Variants in CPSF6 observed in about 807,000 individuals in gnomAD.
CPSF6 encodes the protein cleavage and polyadenylation specific factor 6, also known as cleavage and polyadenylation specificity factor subunit 6.
CPSF6 carries 10 observed loss-of-function variants against 56.7 expected under a neutral mutation model. The observed-to-expected ratio is 0.18, with a 90% CI of 0.11 to 0.30. CPSF6 has a LOEUF of 0.30. Among genes scored for constraint, CPSF6 ranks in the 10% least tolerant of loss-of-function variants. The pLI, the probability that CPSF6 is intolerant of heterozygous loss-of-function variation, is 1.00. For synonymous variants in CPSF6, 248 were observed against 244.8 expected, an observed-to-expected ratio of 1.01 and a Z score of -0.12; for missense variants, 419 against 722.9, an observed-to-expected ratio of 0.58 and a Z score of 4.82.
At chr12:69,256,919 G>A in intron 4 of CPSF6, 77 bp downstream of exon 4, 1 of 1,267,242 alleles carries the variant, frequency 7.9e-7, no homozygotes. Flanking sequence ...TACTAGAGAA[G>A]TCATCTTAAT....
chr12:69,267,555 T>G (rs1014448681), intron 9 of CPSF6, among the ~76,000 whole-genome samples: 6 of 151,980 alleles, frequency 3.9e-5, no homozygotes, highest in African/African-American at 1.2e-4. Flanking sequence ...CTTTTAAGCT[T>G]CTTTTTGATA....
rs768998070 is a variant in CPSF6 at position 69,259,099 on chromosome 12, G to T, written c.1199+5G>T. The T allele has an allele frequency of 8.1e-6, 13 of 1,596,106 alleles. No individual in the cohort carries two copies. Among genetic ancestry groups the T allele is most frequent in the African/African-American group, 2.7e-5 (2 of 74,828 alleles). ...TGACTATGGCCCCCCTGGAAGGTAAGTTAGTGTGTATCTGTGAAAGTACTT... is the reference window on the plus strand; with the variant it reads ...TGACTATGGCCCCCCTGGAAGGTAATTTAGTGTGTATCTGTGAAAGTACTT... On this transcript the variant is annotated splice_donor_5th_base_variant and intron_variant, in intron 6 of 9. Coordinates refer to ENST00000435070, the MANE Select transcript of CPSF6 (RefSeq NM_007007.3).
intron 3 of CPSF6, 60 bp downstream of exon 3, chr12:69,253,214 A>C (rs776140145): frequency 9.1e-6 from 8 of 875,340 alleles, no homozygotes; most frequent in Non-Finnish European, 1.5e-5. Flanking sequence ...TTTACAAGTT[A>C]ACTTTCCTTT....
At chr12:69,266,462 TC>T (rs557843576) in intron 9 of CPSF6, among the ~76,000 whole-genome samples, 83 of 152,216 alleles carry the variant, frequency 5.5e-4, no homozygotes, top group Non-Finnish European at 1.1e-3. Context: ...TGATTAATGT[TC>T]CCTGTTGAAA....
At chr12:69,244,871 T>A (rs906311938) in intron 1 of CPSF6, among the ~76,000 whole-genome samples, 2 of 152,164 alleles carry the variant, frequency 1.3e-5, no homozygotes, top group African/African-American at 4.8e-5. Context: ...TGCCTTCTTC[T>A]GTAATACGTG....
chr12:69,249,279 A>G (rs996998326), intron 1 of CPSF6, among the ~76,000 whole-genome samples: 6 of 149,796 alleles, frequency 4.0e-5, no homozygotes, highest in African/African-American at 1.5e-4. Flanking sequence ...TCAAAAAAAT[A>G]AATAAATAAA....
rs1173490806 is a variant in CPSF6 at position 69,249,159 on chromosome 12, G to T, written c.61-1970G>T. 5.9e-4 allele frequency among the ~76,000 whole-genome samples: 41 copies of T among 69,446 alleles called. 12 individuals carry two copies. In the Middle Eastern group the frequency reaches 0.018, roughly 30 times the overall value. The allele number at this position is 69,446 out of a possible 152,430, so 45.6% of individuals were successfully genotyped here. A position where few individuals can be genotyped will look rare whatever the true frequency, so the allele number is the denominator to read the frequency against. The stretch of plus-strand genomic sequence containing the variant: ...CCTGTAGTCCCAGCTACTCGGGGGG[G>T]GGGGGGGGGGCTGAGGCAGGAGAAT... On this transcript the variant is annotated intron_variant, in intron 1 of 9. Transcript: ENST00000435070.
chr12:69,262,894 T>C (rs1223698203), intron 9 of CPSF6, among the ~76,000 whole-genome samples: 2 of 152,198 alleles, frequency 1.3e-5, no homozygotes, highest in African/African-American at 4.8e-5. Context: ...ATAGGTTGCA[T>C]GCAATTTAAA....
At chr12:69,250,426 A>G (rs186783847) in intron 1 of CPSF6, among the ~76,000 whole-genome samples, 49 of 151,618 alleles carry the variant, frequency 3.2e-4, no homozygotes, top group Non-Finnish European at 5.9e-4. Flanking sequence ...CTTATTTTTT[A>G]TATTATAATA....
In CPSF6 at chr12:69,256,850, G is replaced by A. The variant is rs1159234825; in HGVS notation, c.520+8G>A. On this transcript the variant is annotated splice_region_variant and intron_variant, in intron 4 of 9. Coordinates refer to ENST00000435070, the MANE Select transcript of CPSF6 (RefSeq NM_007007.3). ...AAATGCAGTCCAGGAAAAGTAAGCAGTCCTCAGAGGCTTTTATTAAAATAT... is the reference window on the plus strand; with the variant it reads ...AAATGCAGTCCAGGAAAAGTAAGCAATCCTCAGAGGCTTTTATTAAAATAT... The A allele has an allele frequency of 6.3e-7, 1 of 1,588,784 alleles. No individual in the cohort carries two copies. The highest frequency in any genetic ancestry group is 1.9e-5 in the Admixed American group (1 of 53,034).
Position 69,256,752 on chromosome 12 carries a change from T to C in CPSF6, c.430T>C (p.Leu144=). 1 of 1,613,968 alleles carries C rather than the reference T, an allele frequency of 6.2e-7. No homozygotes were observed. The change falls in exon 4 of 10, where the codon TTA becomes CTA. Residue 144 remains leucine (L), a synonymous_variant. Coordinates refer to ENST00000435070, the MANE Select transcript of CPSF6 (RefSeq NM_007007.3). ...ATCTTCAAAAAAGTTAATGGATCTG[T>C]TACCTAAAAGAGAACTTCATGGTCA... ...EASSKKLMDL[L]PKRELHGQNP...
rs1172691987 is a variant in CPSF6, at chr12:69,273,854, A to G, written c.*4346A>G. The G allele has an allele frequency of 1.3e-5, 2 of 151,958 alleles. No individual in the cohort carries two copies. Among genetic ancestry groups the G allele is most frequent in the Non-Finnish European group, 2.9e-5 (2 of 67,870 alleles). The allele number at this position is 151,958 out of a possible 1,614,324, so 9.4% of individuals were successfully genotyped here. On this transcript the variant is annotated 3_prime_UTR_variant, in exon 10 of 10. Transcript: ENST00000435070. ...TATTCCTTCCTCTGCATCCCATGGT[A>G]TATTAGCAAAGTAGTTTACAGCCCT...
At chr12:69,240,083 G>T (rs923805438) in intron 1 of CPSF6, among the ~76,000 whole-genome samples, 3 of 150,824 alleles carry the variant, frequency 2.0e-5, no homozygotes, top group Non-Finnish European at 4.4e-5. Flanking sequence ...CCGCCGCCGC[G>T]CCCCCTCCCC....
Position 69,253,168 on chromosome 12 carries a change from T to G in CPSF6, c.374+14T>G. The G allele has an allele frequency of 7.3e-7, 1 of 1,375,358 alleles. No homozygotes were observed. Among genetic ancestry groups the G allele is most frequent in the Non-Finnish European group, 1.0e-6 (1 of 987,500 alleles). 85.2% of individuals were successfully genotyped at this position (1,375,358 alleles called of 1,614,324 possible). ...CCAGTCAAAGGGGTAAGTTTTTTTT[T>G]TCTTTCTTTTTGATTTAGTAGCTAG... On this transcript the variant is annotated intron_variant, in intron 3 of 9. Coordinates refer to ENST00000435070, the MANE Select transcript of CPSF6 (RefSeq NM_007007.3).
At position 69,241,778 on chromosome 12, in the gene CPSF6, G is replaced by C. The variant is rs576381078; in HGVS notation, c.60+2072G>C. Among the ~76,000 whole-genome samples the C allele has an allele frequency of 2.6e-5, 4 of 152,258 alleles. No individual in the cohort carries two copies. In the East Asian group the frequency reaches 7.7e-4, roughly 29 times the overall value. ...CTAACACAGTTGTATAATTTTACCA[G>C]TAAAATCTTTATATGTTTGAATAGA... On this transcript the variant is annotated intron_variant, in intron 1 of 9. Transcript: ENST00000435070.
chr12:69,255,343 T>C (rs1230035838), intron 3 of CPSF6, among the ~76,000 whole-genome samples: 1 of 152,238 alleles, frequency 6.6e-6, no homozygotes, highest in South Asian at 2.1e-4. Context: ...CCTGTGAATA[T>C]TTGTGTACCC....
intron 8 of CPSF6, among the ~76,000 whole-genome samples, chr12:69,260,919 G>A (rs113371298): frequency 6.6e-5 from 10 of 152,120 alleles, no homozygotes; most frequent in Admixed American, 2.0e-4. Context: ...AGCCATGCTC[G>A]TTATAATATT....
chr12:69,252,117 C>T, intron 2 of CPSF6: 2 of 454,562 alleles, frequency 4.4e-6, no homozygotes, highest in Non-Finnish European at 8.8e-6. Context: ...CTCTGTCACC[C>T]AGGCTGGAGT....
chr12:69,251,468 A>T (rs185087473), intron 2 of CPSF6, 130 bp downstream of exon 2: 3 of 566,106 alleles, frequency 5.3e-6, no homozygotes, highest in Non-Finnish European at 9.0e-6. Context: ...TGCTTGTCCA[A>T]TGAGGAGGGA....
Sources: gnomAD v4.1 joint callset for allele counts (sites outside exome capture counted in the v4.1 genomes callset) on GRCh38, gnomAD v4.1.1 for gene constraint, MANE v1.5 for transcripts, NCBI Gene and HGNC (gene_info 2026-07-23, HGNC 2026-07-21) for gene names.